Variants in RGS7 observed in about 807,000 individuals in gnomAD.
RGS7 encodes the protein regulator of G-protein signaling 7.
A neutral mutation model predicts 81.1 loss-of-function variants in RGS7; 27 were observed. That is an observed-to-expected ratio of 0.33 (90% CI 0.25 to 0.46). The LOEUF (loss-of-function observed/expected upper bound fraction) is 0.46, where lower values mean the gene tolerates loss of function less well. Among genes scored for constraint, RGS7 ranks in the 20% least tolerant of loss-of-function variants. The pLI, the probability that RGS7 is intolerant of heterozygous loss-of-function variation, is 1.00. For synonymous variants in RGS7, 208 were observed against 207.7 expected, an observed-to-expected ratio of 1.00 and a Z score of -0.01; for missense variants, 396 against 607.4, an observed-to-expected ratio of 0.65 and a Z score of 3.66.
intron 2 of RGS7, among the ~76,000 whole-genome samples, chr1:241,299,935 C>CAAAAAAAAAA (rs35939099): frequency 1.7e-5 from 1 of 58,084 alleles, no homozygotes; most frequent in Non-Finnish European, 3.0e-5. Flanking sequence ...CTCGTTTCTC[C>CAAAAAAAAAA]AAAAAAAAAA....
At chr1:240,966,445 G>A (rs1055457147) in intron 4 of RGS7, among the ~76,000 whole-genome samples, 1 of 151,818 alleles carries the variant, frequency 6.6e-6, no homozygotes, top group African/African-American at 2.4e-5. Flanking sequence ...CTCTGCTTGG[G>A]TTTTCTCTTT....
At chr1:241,024,375 C>T (rs529620756) in intron 3 of RGS7, among the ~76,000 whole-genome samples, 16 of 152,226 alleles carry the variant, frequency 1.1e-4, no homozygotes. Flanking sequence ...AGTAATAGTA[C>T]CTGAGATTTG....
At chr1:240,827,762 G>A (rs1693106938) in intron 9 of RGS7, among the ~76,000 whole-genome samples, 1 of 150,952 alleles carries the variant, frequency 6.6e-6, no homozygotes, top group Non-Finnish European at 1.5e-5. Flanking sequence ...TACTTAGGAG[G>A]CTGAGGCAGG....
intron 2 of RGS7, among the ~76,000 whole-genome samples, chr1:241,342,413 A>C (rs1190785563): frequency 6.6e-6 from 1 of 152,210 alleles, no homozygotes; most frequent in African/African-American, 2.4e-5. Flanking sequence ...AGTCACTCTA[A>C]TAAGGTCAAA....
chr1:241,197,979 A>C (rs1436709642), intron 2 of RGS7, among the ~76,000 whole-genome samples: 1 of 151,842 alleles, frequency 6.6e-6, no homozygotes, highest in Non-Finnish European at 1.5e-5. Context: ...CTACCTACCT[A>C]CCTACCTAGT....
At chr1:241,310,202 A>C (rs540457051) in intron 2 of RGS7, among the ~76,000 whole-genome samples, 1 of 152,328 alleles carries the variant, frequency 6.6e-6, no homozygotes, top group Admixed American at 6.5e-5. Context: ...ACAATAAACC[A>C]ATATTTGTGG....
At chr1:241,044,596 A>ATTTT (rs745309934) in intron 3 of RGS7, among the ~76,000 whole-genome samples, 1 of 150,724 alleles carries the variant, frequency 6.6e-6, no homozygotes, top group African/African-American at 2.5e-5. Context: ...TAATTTTAAA[A>ATTTT]TTTATTTATT....
rs188496115 is a variant in RGS7, at chr1:240,820,515, C to T, written c.685-4100G>A. On this transcript the variant is annotated intron_variant, in intron 10 of 18. Coordinates refer to ENST00000440928, the MANE Select transcript of RGS7 (RefSeq NM_001364886.1). ...TATGGTCTGAATGTTTGTGTCTCTC[C>T]AAAATTCTTATGTTGAAATCCTCAA... Among the ~76,000 whole-genome samples the T allele has an allele frequency of 5.9e-4, 89 of 151,984 alleles. 2 individuals carry two copies. The highest frequency in any genetic ancestry group is 3.8e-4 in the Non-Finnish European group (26 of 68,002).
At chr1:241,094,725 T>C (rs2064131179) in intron 3 of RGS7, among the ~76,000 whole-genome samples, 2 of 152,236 alleles carry the variant, frequency 1.3e-5, no homozygotes, top group Admixed American at 6.5e-5. Flanking sequence ...AGATTATATT[T>C]GTCATTGCAT....
chr1:241,068,073 A>G (rs1447418792), intron 3 of RGS7, among the ~76,000 whole-genome samples: 1 of 151,128 alleles, frequency 6.6e-6, no homozygotes, highest in African/African-American at 2.4e-5. Context: ...AGCGACTGAA[A>G]CACATGAGTT....
intron 2 of RGS7, among the ~76,000 whole-genome samples, chr1:241,161,490 ATAAT>A (rs2069658077): frequency 6.8e-6 from 1 of 146,896 alleles, no homozygotes; most frequent in Non-Finnish European, 1.5e-5. Flanking sequence ...CTAATATATA[ATAAT>A]TATATTATTA....
intron 3 of RGS7, among the ~76,000 whole-genome samples, chr1:241,062,648 T>C (rs984888137): frequency 2.0e-5 from 3 of 152,222 alleles, no homozygotes; most frequent in African/African-American, 7.2e-5. Flanking sequence ...CGGCTATTTC[T>C]GAAAAGAAAA....
chr1:241,134,265 C>T (rs1048818545), intron 2 of RGS7, among the ~76,000 whole-genome samples: 1 of 152,210 alleles, frequency 6.6e-6, no homozygotes, highest in Non-Finnish European at 1.5e-5. Flanking sequence ...AGTGCTGCTC[C>T]AGACCTATCT....
chr1:240,895,567 T>G (rs566638181), intron 6 of RGS7, among the ~76,000 whole-genome samples: 9 of 152,232 alleles, frequency 5.9e-5, no homozygotes, highest in Non-Finnish European at 1.0e-4. Flanking sequence ...CATAGTTTGC[T>G]CAGAATGATG....
intron 3 of RGS7, among the ~76,000 whole-genome samples, chr1:241,001,506 A>G (rs964850365): frequency 1.3e-5 from 2 of 152,176 alleles, no homozygotes; most frequent in Non-Finnish European, 2.9e-5. Context: ...ATAAATTTAA[A>G]AATTTCTATA....
chr1:241,351,075 C>T (rs181428775), intron 2 of RGS7, among the ~76,000 whole-genome samples: 16 of 152,288 alleles, frequency 1.1e-4, no homozygotes, highest in African/African-American at 3.9e-4. Flanking sequence ...ATAGCTCTCA[C>T]TGTGACTTCA....
chr1:241,023,556 A>G (rs1478149467), intron 3 of RGS7, among the ~76,000 whole-genome samples: 1 of 152,208 alleles, frequency 6.6e-6, no homozygotes, highest in African/African-American at 2.4e-5. Flanking sequence ...ATTGGCAAAC[A>G]TGGATGCCCT....
At chr1:240,799,534 T>C (rs1275158620) in intron 18 of RGS7, among the ~76,000 whole-genome samples, 3 of 152,100 alleles carry the variant, frequency 2.0e-5, no homozygotes, top group Non-Finnish European at 2.9e-5. Context: ...ATTTTGTCTA[T>C]ACCATTGGGT....
chr1:241,304,949 C>T (rs1018362003), intron 2 of RGS7, among the ~76,000 whole-genome samples: 3 of 151,900 alleles, frequency 2.0e-5, no homozygotes, highest in African/African-American at 7.3e-5. Context: ...CTGTTGTAAC[C>T]CTCTCTTGAG....
Sources: allele counts gnomAD v4.1 joint callset (sites outside exome capture counted in the v4.1 genomes callset), GRCh38; gene constraint gnomAD v4.1.1; transcripts MANE v1.5; gene names NCBI Gene and HGNC (gene_info 2026-07-23, HGNC 2026-07-21).